Variants in WAPL observed in about 807,000 individuals in gnomAD.
The protein encoded by WAPL is WAPL cohesin release factor.
Under a neutral mutation model 121.0 loss-of-function variants are expected in WAPL, and 5 were observed. The observed-to-expected ratio is 0.04, with a 90% CI of 0.02 to 0.09. WAPL has a LOEUF of 0.09. Among genes scored for constraint, WAPL ranks in the 10% least tolerant of loss-of-function variants. The probability of loss-of-function intolerance (pLI) is 1.00; values close to 1 mark genes in which losing one functional copy is unlikely to be tolerated. For synonymous variants in WAPL, 480 were observed against 481.5 expected (o/e 1.00, Z 0.04); for missense variants, 999 against 1,410.8 (o/e 0.71, Z 4.68).
chr10:86,517,002 G>A (rs1051341814), intron 2 of WAPL, among the ~76,000 whole-genome samples: 12 of 152,122 alleles, frequency 7.9e-5, no homozygotes, highest in African/African-American at 2.9e-4. Context: ...AAAATGGCAT[G>A]AACCTGGGAG....
intron 4 of WAPL, among the ~76,000 whole-genome samples, chr10:86,480,343 A>C (rs1183903506): frequency 2.6e-5 from 4 of 152,356 alleles, no homozygotes; most frequent in Admixed American, 2.6e-4. Context: ...TTTTATTAAA[A>C]GTAGGTAACT....
intron 18 of WAPL, 108 bp from the exon 19 acceptor site, chr10:86,437,716 C>A: frequency 8.4e-7 from 1 of 1,196,646 alleles, no homozygotes; most frequent in South Asian, 1.5e-5. Flanking sequence ...CACTACAAAT[C>A]AAAGTACACC....
At chr10:86,475,958 C>CA (rs1293745859) in intron 4 of WAPL, among the ~76,000 whole-genome samples, 3 of 152,148 alleles carry the variant, frequency 2.0e-5, no homozygotes, top group Non-Finnish European at 4.4e-5. Flanking sequence ...AGGCAGGAAG[C>CA]AGATCACTTG....
Position 86,437,531 on chromosome 10 carries a change from A to G in WAPL, c.*12T>C, listed in dbSNP as rs201210584. 94 of 1,612,842 alleles carry G rather than the reference A, an allele frequency of 5.8e-5. No individual in the cohort carries two copies. Among genetic ancestry groups the G allele is most frequent in the Non-Finnish European group, 7.6e-5 (90 of 1,179,642 alleles). Reference sequence around the variant, plus strand: ...CCAGCATTACCGAGCACCTGAAGCAAAGGTAAAGCAGCTAGCAATGTTCCA... The same window carrying G: ...CCAGCATTACCGAGCACCTGAAGCAGAGGTAAAGCAGCTAGCAATGTTCCA... On this transcript the variant is annotated 3_prime_UTR_variant, in exon 19 of 19. Coordinates refer to ENST00000298767, the MANE Select transcript of WAPL (RefSeq NM_015045.5).
chr10:86,473,789 C>G lies in WAPL; in HGVS notation c.1740+89G>C, dbSNP rs538893549. ...AAAATAAACTGTTAAATAGAAAAGT[C>G]AAAGATTTACAAATTATGAATTAAA... On this transcript the variant is annotated intron_variant, in intron 5 of 18. Transcript: ENST00000298767. 16 of 1,071,772 alleles carry G rather than the reference C, an allele frequency of 1.5e-5. No individual in the cohort carries two copies. In the South Asian group the frequency reaches 2.3e-4, roughly 15 times the overall value. The allele number at this position is 1,071,772 out of a possible 1,614,324, so 66.4% of individuals were successfully genotyped here. A position where few individuals can be genotyped will look rare whatever the true frequency, so the allele number is the denominator to read the frequency against.
intron 2 of WAPL, among the ~76,000 whole-genome samples, chr10:86,506,771 C>T (rs1842359031): frequency 6.6e-6 from 1 of 152,118 alleles, no homozygotes; most frequent in African/African-American, 2.4e-5. Flanking sequence ...GCCTGGGCAA[C>T]AGAGAAAGAC....
chr10:86,508,920 T>A (rs955548775), intron 2 of WAPL, among the ~76,000 whole-genome samples: 4 of 151,704 alleles, frequency 2.6e-5, no homozygotes, highest in Admixed American at 6.6e-5. Flanking sequence ...CACGCCCGGC[T>A]AATTTTTTGT....
In WAPL at chr10:86,500,711, T is replaced by C; in HGVS notation, c.532A>G (p.Lys178Glu). 1.3e-6 allele frequency: 2 copies of C among 1,571,670 alleles called. No individual in the cohort carries two copies. The highest frequency in any genetic ancestry group is 1.7e-6 in the Non-Finnish European group (2 of 1,164,636). ...KVENFHEEHE[K>E]NSHHIHKNAD... ...TTTTTGTGAATATGGTGACTATTCT[T>C]TTCATGTTCTTCATGAAAATTCTCC... The change falls in exon 3 of 19, where the codon AAG becomes GAG. Residue 178 changes from lysine to glutamate, a missense_variant. Lys to Glu is a moderately conservative substitution (Grantham distance 56). This residue lies in a region of WAPL where 531 missense variants were observed against 563.1 expected (regional missense o/e 0.94). Transcript: ENST00000298767.
intron 4 of WAPL, among the ~76,000 whole-genome samples, chr10:86,490,896 C>G (rs187970667): frequency 0.01 from 1,549 of 151,658 alleles, 4 homozygotes; most frequent in South Asian, 0.021. Context: ...AACCCCATCT[C>G]TACTAAAAAT....
At chr10:86,477,539 A>AT (rs1189610835) in intron 4 of WAPL, among the ~76,000 whole-genome samples, 1 of 152,190 alleles carries the variant, frequency 6.6e-6, no homozygotes, top group Non-Finnish European at 1.5e-5. Context: ...ACCGTGACTC[A>AT]TGCCTGTAAT....
chr10:86,499,296 A>AT (rs1842202184), intron 3 of WAPL, among the ~76,000 whole-genome samples: 2 of 152,312 alleles, frequency 1.3e-5, no homozygotes, highest in East Asian at 3.9e-4. Flanking sequence ...TTTAATAAAT[A>AT]TAACAAGCTA....
intron 4 of WAPL, among the ~76,000 whole-genome samples, chr10:86,475,360 A>C (rs1841627431): frequency 6.6e-6 from 1 of 152,242 alleles, no homozygotes; most frequent in Non-Finnish European, 1.5e-5. Context: ...TCTTATTTTC[A>C]GTACAACAAA....
intron 4 of WAPL, among the ~76,000 whole-genome samples, chr10:86,477,926 G>A (rs1301408388): frequency 6.6e-6 from 1 of 151,728 alleles, no homozygotes; most frequent in Non-Finnish European, 1.5e-5. Flanking sequence ...ATGGTGGTAG[G>A]TGCCTGTAAT....
intron 11 of WAPL, 72 bp from the exon 12 acceptor site, chr10:86,459,137 C>T: frequency 8.2e-7 from 1 of 1,213,176 alleles, no homozygotes; most frequent in Non-Finnish European, 1.2e-6. Flanking sequence ...CCACATTCTG[C>T]CTGGTGCGTA....
At chr10:86,475,007 G>C (rs938808787) in intron 4 of WAPL, among the ~76,000 whole-genome samples, 9 of 152,162 alleles carry the variant, frequency 5.9e-5, no homozygotes, top group Non-Finnish European at 1.3e-4. Flanking sequence ...TAACATACAT[G>C]ATTTCTGCAG....
At chr10:86,470,917 AAG>A (rs1208903052) in intron 8 of WAPL, 73 bp downstream of exon 8, 1 of 1,175,272 alleles carries the variant, frequency 8.5e-7, no homozygotes, top group Non-Finnish European at 1.2e-6. Flanking sequence ...ATATTCAGTG[AAG>A]ATATTTTTGA....
rs113940092 is a variant in WAPL, at chr10:86,438,611, G to T, written c.3412-596C>A. On this transcript the variant is annotated intron_variant, in intron 17 of 18. Coordinates refer to ENST00000298767, the MANE Select transcript of WAPL (RefSeq NM_015045.5). The stretch of plus-strand genomic sequence containing the variant: ...TAACAAACTGCACTGTTTAATGTAT[G>T]TGTGTGTTTCACTGGGGGCCCTGGG... Among the ~76,000 whole-genome samples, 243 of 152,378 alleles carry T rather than the reference G, an allele frequency of 1.6e-3. 1 individual carries two copies. The highest frequency in any genetic ancestry group is 5.6e-3 in the African/African-American group (231 of 41,590).
intron 4 of WAPL, among the ~76,000 whole-genome samples, chr10:86,496,980 C>G (rs754697202): frequency 6.6e-6 from 1 of 151,898 alleles, no homozygotes; most frequent in Admixed American, 6.6e-5. Flanking sequence ...TACATAACAC[C>G]GTGAAAGTAA....
intron 2 of WAPL, among the ~76,000 whole-genome samples, chr10:86,506,437 TAAAAG>T (rs1842349713): frequency 6.6e-6 from 1 of 152,190 alleles, no homozygotes; most frequent in African/African-American, 2.4e-5. Context: ...TTAAAAAAGT[TAAAAG>T]AAATCACTAT....
Sources: allele counts gnomAD v4.1 joint callset (sites outside exome capture counted in the v4.1 genomes callset), GRCh38; gene constraint gnomAD v4.1.1; regional missense constraint gnomAD v4.1.1; transcripts MANE v1.5; gene names NCBI Gene and HGNC (gene_info 2026-07-23, HGNC 2026-07-21).